The following HECTD3 variants were observed in gnomAD, a reference collection of about 807,000 sequenced individuals.
The protein encoded by HECTD3 is E3 ubiquitin-protein ligase HECTD3.
HECTD3 carries 72 observed loss-of-function variants against 109.3 expected under a neutral mutation model. That is an observed-to-expected ratio of 0.66 (90% CI 0.54 to 0.80). HECTD3 has a LOEUF of 0.80. Ranked by LOEUF, HECTD3 falls within the 30% of genes least tolerant of loss-of-function variation. The pLI is 0.00. For missense variants in HECTD3, 1,041 were observed against 1,165.2 expected, an observed-to-expected ratio of 0.89 and a Z score of 1.55; for synonymous variants, 481 against 471.8, an observed-to-expected ratio of 1.02 and a Z score of -0.25.
Position 45,008,579 on chromosome 1 carries a change from T to C in HECTD3, c.1195A>G (p.Thr399Ala). Residue 399 changes from threonine to alanine, a missense_variant, in exon 8 of 21, where the codon ACC becomes GCC. Physicochemically the swap from Thr to Ala is moderately conservative, Grantham distance 58. Transcript: ENST00000372172. Reference protein sequence around the residue: ...SLVRYPRLEGTDPEVLYRRAV... With the variant: ...SLVRYPRLEGADPEVLYRRAV... ...CTGCGGTACAGTACTTCAGGGTCGG[T>C]GCCTTCTAGGCGTGGATATCGCACC... The C allele has an allele frequency of 6.2e-7, 1 of 1,614,046 alleles. No homozygotes were observed. The highest frequency in any genetic ancestry group is 1.1e-5 in the South Asian group (1 of 91,074).
At chr1:45,007,335 CT>C in intron 10 of HECTD3, 64 bp from the exon 11 acceptor site, 1 of 1,603,162 alleles carries the variant, frequency 6.2e-7, no homozygotes, top group Non-Finnish European at 8.5e-7. Flanking sequence ...GCCCCAAGAA[CT>C]TGTTCAGGTC....
chr1:45,005,214 G>A (rs1019052588), intron 15 of HECTD3: 3 of 281,168 alleles, frequency 1.1e-5, no homozygotes, highest in South Asian at 8.8e-5. Flanking sequence ...GCCCAGGGCC[G>A]AGCCATCAAT....
intron 15 of HECTD3, chr1:45,005,435 G>C (rs1569936722): frequency 4.3e-6 from 1 of 233,734 alleles, no homozygotes; most frequent in Non-Finnish European, 8.4e-6. Flanking sequence ...AAGAAGGGGT[G>C]AAGGATGGCC....
In HECTD3 at chr1:45,011,227, C is replaced by T; in HGVS notation, c.31G>A (p.Glu11Lys). The T allele has an allele frequency of 7.2e-7, 1 of 1,392,916 alleles. No individual in the cohort carries two copies. Among genetic ancestry groups the T allele is most frequent in the Non-Finnish European group, 9.2e-7 (1 of 1,082,452 alleles). 86.3% of individuals were successfully genotyped at this position (1,392,916 alleles called of 1,614,324 possible). ...CGGCCCAGCAGCTGCCGGGGGGACT[C>T]CAGCACCGCGCCCGGGCCAGGACCC... is the stretch of plus-strand genomic sequence containing the variant. MAGPGPGAVLESPRQLLGRVR... is the reference protein window; with the variant it reads MAGPGPGAVLKSPRQLLGRVR... The change falls in exon 1 of 21, where the codon GAG becomes AAG. Residue 11 changes from glutamate to lysine, a missense_variant. Transcript: ENST00000372172.
chr1:45,003,552 G>A lies in HECTD3; in HGVS notation c.2526C>T (p.Leu842=). The change falls in exon 21 of 21, where the codon CTC becomes CTT. Residue 842 remains leucine, a synonymous_variant. Transcript: ENST00000372172. The surrounding 1 kb of genome is among the most constrained non-coding windows in gnomAD (Gnocchi z 4.7). ...YASAKVCEEK[L]RYAAYNCVAI... ...CCACGCAGTTGTAGGCCGCATAGCG[G>A]AGCTTCTCCTCGCATACCTTGGCAC... 1 of 1,614,242 alleles carries A rather than the reference G, an allele frequency of 6.2e-7. No individual in the cohort carries two copies. Among genetic ancestry groups the A allele is most frequent in the Non-Finnish European group, 8.5e-7 (1 of 1,180,046 alleles).
chr1:45,011,283 A>C lies in HECTD3; in HGVS notation c.-26T>G. The C allele has an allele frequency of 7.4e-7, 1 of 1,352,862 alleles. No homozygotes were observed. The highest frequency in any genetic ancestry group is 1.8e-5 in the South Asian group (1 of 56,104). 83.8% of individuals were successfully genotyped at this position (1,352,862 alleles called of 1,614,324 possible). ...GGCGAAGTGGCGGAGGTGAGCACCT[A>C]GAGGCGACCCTGCCCGGGGAACAGC... On this transcript the variant is annotated 5_prime_UTR_variant, in exon 1 of 21. Transcript: ENST00000372172.
In HECTD3 at chr1:45,004,360, T is replaced by C. The variant is rs367904797; in HGVS notation, c.2160A>G (p.Ala720=). The C allele has an allele frequency of 6.8e-5, 110 of 1,614,126 alleles. No homozygotes were observed. The African/African-American group carries it at 1.3e-3, about 19-fold the overall frequency. ...CCTGTGGTACCACCTTCAGCAGACC[T>C]GCCTGCATAGCTGCCACCTGGGGAG... ...ESKEQVAAMQ[A]GLLKVVPQAV... Residue 720 remains alanine, a synonymous_variant, in exon 17 of 21, where the codon GCA becomes GCG. Transcript: ENST00000372172.
chr1:45,009,825 A>C (rs1259947220), intron 4 of HECTD3, 142 bp from the exon 5 acceptor site: 1 of 1,056,846 alleles, frequency 9.5e-7, no homozygotes, highest in Non-Finnish European at 1.4e-6. Context: ...GCCGCTGGGT[A>C]TGTAAGGGGT....
rs112248598 is a variant in HECTD3, at chr1:45,006,463, G to A, written c.1725+229C>T. Reference sequence around the variant, plus strand: ...TGGGACTACAGGCGCGTGCCACCACGCCCGGCTAATTTTTTATTTTTATAG... The same window carrying A: ...TGGGACTACAGGCGCGTGCCACCACACCCGGCTAATTTTTTATTTTTATAG... On this transcript the variant is annotated intron_variant, in intron 13 of 20. Coordinates refer to ENST00000372172, the MANE Select transcript of HECTD3 (RefSeq NM_024602.6). This position sits in a 1 kb window ranked among gnomAD's most constrained non-coding sequence, Gnocchi z 4.7. 0.018 allele frequency among the ~76,000 whole-genome samples: 2,751 copies of A among 152,118 alleles called. 32 individuals are homozygous for A. Among genetic ancestry groups the A allele is most frequent in the Middle Eastern group, 0.078 (23 of 294 alleles).
At chr1:45,010,514 G>A (rs777940767) in intron 2 of HECTD3, 32 bp downstream of exon 2, 116 of 1,612,266 alleles carry the variant, frequency 7.2e-5, no homozygotes, top group Non-Finnish European at 2.5e-5. Flanking sequence ...CCGGCCTTCT[G>A]ACAGCCAGCC....
chr1:45,003,989 A>G lies in HECTD3; in HGVS notation c.2348-53T>C. The G allele has an allele frequency of 3.7e-6, 6 of 1,612,044 alleles. No individual in the cohort carries two copies. Among genetic ancestry groups the G allele is most frequent in the Non-Finnish European group, 5.1e-6 (6 of 1,178,154 alleles). Reference sequence around the variant, plus strand: ...CATGGATGGTGAGGGAGGGTCTACAACTTCTACCCTGCCTCTGCAACTCAG... The same window carrying G: ...CATGGATGGTGAGGGAGGGTCTACAGCTTCTACCCTGCCTCTGCAACTCAG... On this transcript the variant is annotated intron_variant, in intron 18 of 20. Coordinates refer to ENST00000372172, the MANE Select transcript of HECTD3 (RefSeq NM_024602.6). This position sits in a 1 kb window ranked among gnomAD's most constrained non-coding sequence, Gnocchi z 4.7.
In HECTD3 at chr1:45,011,199, A is replaced by G; in HGVS notation, c.59T>C (p.Val20Ala). ...LESPRQLLGRVRFLAEAARSL... is the reference protein window; with the variant it reads ...LESPRQLLGRARFLAEAARSL... ...CCGCGCTGCCTCTGCCAAGAAGCGC[A>G]CGCGGCCCAGCAGCTGCCGGGGGGA... Residue 20 changes from valine to alanine, a missense_variant, in exon 1 of 21, where the codon GTG (valine) becomes GCG (alanine). Val to Ala is a moderately conservative substitution (Grantham distance 64). Transcript: ENST00000372172. The G allele has an allele frequency of 6.8e-7, 1 of 1,461,710 alleles. No homozygotes were observed. The highest frequency in any genetic ancestry group is 9.0e-7 in the Non-Finnish European group (1 of 1,115,070). The allele number at this position is 1,461,710 out of a possible 1,614,324, so 90.5% of individuals were successfully genotyped here.
rs199665694 is a variant in HECTD3 at position 45,007,291 on chromosome 1, G to C, written c.1504-20C>G. On this transcript the variant is annotated intron_variant, in intron 10 of 20. Transcript: ENST00000372172. The stretch of plus-strand genomic sequence containing the variant: ...ATATACCTGGAGGCAAGGAGGAAAG[G>C]AGTCATAGGAAAGCAAGACCTGGCC... 1.2e-6 allele frequency: 2 copies of C among 1,611,598 alleles called. No individual in the cohort carries two copies. The highest frequency in any genetic ancestry group is 1.7e-6 in the Non-Finnish European group (2 of 1,178,498).
Position 45,009,988 on chromosome 1 carries a change from T to C in HECTD3, c.757A>G (p.Thr253Ala). 2 of 1,530,964 alleles carry C rather than the reference T, an allele frequency of 1.3e-6. No individual in the cohort carries two copies. Among genetic ancestry groups the C allele is most frequent in the Non-Finnish European group, 1.8e-6 (2 of 1,136,636 alleles). The allele number at this position is 1,530,964 out of a possible 1,614,324, so 94.8% of individuals were successfully genotyped here. A position where few individuals can be genotyped will look rare whatever the true frequency, so the allele number is the denominator to read the frequency against. The change falls in exon 4 of 21, where the codon ACG (threonine) becomes GCG (alanine). Residue 253 changes from threonine to alanine, a missense_variant and splice_region_variant. Physicochemically the swap from Thr to Ala is moderately conservative, Grantham distance 58. Around this residue, in one of 2 missense-constraint regions of HECTD3, gnomAD observed 472 missense variants for 449.9 expected, o/e 1.05. Coordinates refer to ENST00000372172, the MANE Select transcript of HECTD3 (RefSeq NM_024602.6). The part of the protein sequence containing the change: ...YVESIDVSSY[T>A]EEFNVSCLTD... ...GTGGGAGGAGCCCCAGCACCCACCGTGTAGGAGGAAACGTCTATGCTCTCC... is the reference window on the plus strand; with the variant it reads ...GTGGGAGGAGCCCCAGCACCCACCGCGTAGGAGGAAACGTCTATGCTCTCC...
chr1:45,010,202 G>A lies in HECTD3; in HGVS notation c.622C>T (p.Leu208Phe). ...CCCACCCCATTCCAGCTCACTCACA[G>A]TAGCCTTTGTACAGCTTCTGCGTAT... ...EAYAEAVQRL[L>F]YVPPTWTYEC... is the part of the protein sequence containing the mutation. The change falls in exon 3 of 21, where the codon CTC becomes TTC. Residue 208 changes from leucine to phenylalanine, a missense_variant and splice_region_variant. Around this residue, in one of 2 missense-constraint regions of HECTD3, gnomAD observed 472 missense variants for 449.9 expected, o/e 1.05. Coordinates refer to ENST00000372172, the MANE Select transcript of HECTD3 (RefSeq NM_024602.6). 1 of 1,613,968 alleles carries A rather than the reference G, an allele frequency of 6.2e-7. No homozygotes were observed. Among genetic ancestry groups the A allele is most frequent in the Non-Finnish European group, 8.5e-7 (1 of 1,179,968 alleles).
rs1415329381 is a variant in HECTD3 at position 45,004,757 on chromosome 1, A to G, written c.1985T>C (p.Phe662Ser). The change falls in exon 16 of 21, where the codon TTC becomes TCC. Residue 662 changes from phenylalanine to serine, a missense_variant. Phe to Ser is a radical substitution (Grantham distance 155). Transcript: ENST00000372172. ...MEGMDKETFE[F>S]KFGKELTFTT... ...GAATGTTAGTTCCTTCCCAAACTTG[A>G]ACTCAAACGTCTCCTTGTCCATTCC... 6.2e-7 allele frequency: 1 copy of G among 1,614,192 alleles called. No individual in the cohort carries two copies. Among genetic ancestry groups the G allele is most frequent in the Non-Finnish European group, 8.5e-7 (1 of 1,180,034 alleles).
rs1179972028 is a variant in HECTD3, at chr1:45,007,584, C to T, written c.1332G>A (p.Gln444=). ...GTFSEIKQVK[Q]FLLLSRQRPG... ...GCCGCTGGCGGGACAGCAGTAGGAA[C>T]TGCTTCACTTGCTAGTGAGGAGAGG... Residue 444 remains glutamine (Q), a synonymous_variant, in exon 10 of 21, where the codon CAG becomes CAA. Transcript: ENST00000372172. The T allele has an allele frequency of 6.2e-7, 1 of 1,610,244 alleles. No individual in the cohort carries two copies. The highest frequency in any genetic ancestry group is 1.1e-5 in the South Asian group (1 of 91,074).
At chr1:45,005,552 T>G (rs1375445079) in intron 15 of HECTD3, 5 of 405,006 alleles carry the variant, frequency 1.2e-5, no homozygotes, top group Admixed American at 4.0e-5. Context: ...GAGCCTGAGA[T>G]GCCATCTTGG....
At position 45,006,693 on chromosome 1, in the gene HECTD3, T is replaced by C. The variant is rs1470460227; in HGVS notation, c.1724A>G (p.Gln575Arg). ...TGCAGAGATGGAAACGGAGATTACC[T>C]GGTTGGCTGTGCGTACAAAGAAGGG... ...PLPFFVRTAN[Q>R]GNGTGEARDM... is the part of the protein sequence containing the mutation. Residue 575 changes from glutamine to arginine, a missense_variant and splice_region_variant, in exon 13 of 21, where the codon CAG (glutamine) becomes CGG (arginine). Physicochemically the swap from Gln to Arg is conservative, Grantham distance 43. This residue lies in a region of HECTD3 where 569 missense variants were observed against 715.3 expected (regional missense o/e 0.80). Transcript: ENST00000372172. The surrounding 1 kb of genome is among the most constrained non-coding windows in gnomAD (Gnocchi z 4.7). The C allele has an allele frequency of 1.9e-6, 3 of 1,610,574 alleles. No homozygotes were observed. The highest frequency in any genetic ancestry group is 2.5e-6 in the Non-Finnish European group (3 of 1,178,036).
Sources: gnomAD v4.1 joint callset for allele counts (sites outside exome capture counted in the v4.1 genomes callset) on GRCh38, gnomAD v4.1.1 for gene constraint, gnomAD v4.1.1 regional missense constraint, Gnocchi (gnomAD v3.1) non-coding constraint, MANE v1.5 for transcripts, NCBI Gene and HGNC (gene_info 2026-07-23, HGNC 2026-07-21) for gene names.